Variants in XPO6 observed in about 807,000 individuals in gnomAD.
XPO6 encodes exportin-6.
XPO6 carries 3 observed loss-of-function variants against 130.0 expected under a neutral mutation model. That is an observed-to-expected ratio of 0.02 (90% CI 0.01 to 0.06). The LOEUF is 0.06. Among genes scored for constraint, XPO6 ranks in the 10% least tolerant of loss-of-function variants. The pLI, the probability that XPO6 is intolerant of heterozygous loss-of-function variation, is 1.00. For missense variants in XPO6, 970 were observed against 1,393.0 expected, an observed-to-expected ratio of 0.70 and a Z score of 4.83; for synonymous variants, 524 against 548.9, an observed-to-expected ratio of 0.95 and a Z score of 0.63.
intron 12 of XPO6, among the ~76,000 whole-genome samples, chr16:28,129,877 G>A (rs971215249): frequency 4.6e-5 from 7 of 152,234 alleles, no homozygotes; most frequent in Admixed American, 2.0e-4. Context: ...ATGCCAATGA[G>A]GGGTGGCAGA....
At chr16:28,150,545 A>G (rs894150700) in intron 8 of XPO6, among the ~76,000 whole-genome samples, 3 of 152,106 alleles carry the variant, frequency 2.0e-5, no homozygotes, top group Admixed American at 2.0e-4. Context: ...AAATAAGCAG[A>G]CCTCAAACAC....
chr16:28,180,816 G>A (rs991531205), intron 2 of XPO6, 125 bp downstream of exon 2: 60 of 694,396 alleles, frequency 8.6e-5, no homozygotes, highest in African/African-American at 1.7e-4. Flanking sequence ...GAACCAGAGC[G>A]AAAAGAGCAA....
At chr16:28,191,913 G>C (rs1242256808) in intron 1 of XPO6, among the ~76,000 whole-genome samples, 1 of 152,188 alleles carries the variant, frequency 6.6e-6, no homozygotes, top group South Asian at 2.1e-4. Context: ...CAAGTCTCTT[G>C]TAAAACCACC....
At chr16:28,148,852 G>A (rs2043031003) in intron 8 of XPO6, among the ~76,000 whole-genome samples, 2 of 152,050 alleles carry the variant, frequency 1.3e-5, no homozygotes, top group East Asian at 3.9e-4. Flanking sequence ...GACCAGCCTG[G>A]TCAACACGGT....
At chr16:28,169,949 A>C in intron 4 of XPO6, 40 bp from the exon 5 acceptor site, 1 of 1,607,574 alleles carries the variant, frequency 6.2e-7, no homozygotes, top group East Asian at 2.2e-5. Context: ...GTGTTGGACT[A>C]ATAAAGTACA....
rs138125721 is a variant in XPO6, at chr16:28,195,710, G to A, written c.4-14679C>T. Among the ~76,000 whole-genome samples, 4 of 152,228 alleles carry A rather than the reference G, an allele frequency of 2.6e-5. No homozygotes were observed. The East Asian group carries it at 5.8e-4, about 22-fold the overall frequency. ...GGAGGTTGCAGTGAGCAGAGATCAC[G>A]CCACTGCACTCCATCCTGGGTGACA... On this transcript the variant is annotated intron_variant, in intron 1 of 23. Transcript: ENST00000304658.
Position 28,098,456 on chromosome 16 carries a change from C to T in XPO6, c.*82G>A, listed in dbSNP as rs2086580659. On this transcript the variant is annotated 3_prime_UTR_variant, in exon 24 of 24. Coordinates refer to ENST00000304658, the MANE Select transcript of XPO6 (RefSeq NM_015171.4). ...GAAGCCAAGGAGTGTGACCAAGGCC[C>T]ATCTGGGAGACATCTGTGGTGGAAG... The T allele has an allele frequency of 1.6e-6, 2 of 1,263,620 alleles. No homozygotes were observed. The highest frequency in any genetic ancestry group is 1.1e-6 in the Non-Finnish European group (1 of 892,250). The allele number at this position is 1,263,620 out of a possible 1,614,324, so 78.3% of individuals were successfully genotyped here. A position where few individuals can be genotyped will look rare whatever the true frequency, so the allele number is the denominator to read the frequency against.
Position 28,152,713 on chromosome 16 carries a change from G to C in XPO6, c.1170C>G (p.Ser390=). 6.2e-7 allele frequency: 1 copy of C among 1,613,338 alleles called. No individual in the cohort carries two copies. Among genetic ancestry groups the C allele is most frequent in the South Asian group, 1.1e-5 (1 of 90,904 alleles). The part of the protein sequence containing the change: ...SVHLRRIESY[S]QFPVVEFLTL... Reference sequence around the variant, plus strand: ...TCAAAAACTCCACCACAGGGAACTGGGAGTAAGACTCGATTCTTCTTAGGT... The same window carrying C: ...TCAAAAACTCCACCACAGGGAACTGCGAGTAAGACTCGATTCTTCTTAGGT... The change falls in exon 8 of 24, where the codon TCC becomes TCG. Residue 390 remains serine, a synonymous_variant. Coordinates refer to ENST00000304658, the MANE Select transcript of XPO6 (RefSeq NM_015171.4).
chr16:28,204,546 G>C (rs1046650568), intron 1 of XPO6, among the ~76,000 whole-genome samples: 3 of 152,086 alleles, frequency 2.0e-5, no homozygotes, highest in African/African-American at 4.8e-5. Context: ...AGGTGAGCTA[G>C]AGGGGAGATG....
chr16:28,165,119 A>C (rs910523822), intron 6 of XPO6, among the ~76,000 whole-genome samples: 1 of 152,206 alleles, frequency 6.6e-6, no homozygotes, highest in Admixed American at 6.5e-5. Flanking sequence ...TGGGAGGCTG[A>C]AATGGGAGGA....
rs1319457497 is a variant in XPO6, at chr16:28,114,418, A to AGCAAATTAT, written c.2005-1377_2005-1369dup. Among the ~76,000 whole-genome samples, 13 of 152,208 alleles carry AGCAAATTAT rather than the reference A, an allele frequency of 8.5e-5. 1 individual carries two copies. The highest frequency in any genetic ancestry group is 7.9e-4 in the Admixed American group (12 of 15,276). ...GTTCAGCTCCAGACCACCACAATAAAGCAAATTATGCAATAACGCAAGGCA... is the reference window on the plus strand; with the variant it reads ...GTTCAGCTCCAGACCACCACAATAAAGCAAATTATGCAAATTATGCAATAACGCAAGGCA... On this transcript the variant is annotated intron_variant, in intron 15 of 23. Coordinates refer to ENST00000304658, the MANE Select transcript of XPO6 (RefSeq NM_015171.4).
chr16:28,186,241 G>A (rs900615127), intron 1 of XPO6, among the ~76,000 whole-genome samples: 2 of 151,840 alleles, frequency 1.3e-5, no homozygotes. Flanking sequence ...TATTTCTACG[G>A]AGCCCTAATC....
chr16:28,144,439 T>C (rs2042947648), intron 9 of XPO6, among the ~76,000 whole-genome samples: 1 of 152,194 alleles, frequency 6.6e-6, no homozygotes, highest in South Asian at 2.1e-4. Flanking sequence ...TCTCACTATG[T>C]TCCCAGCCTG....
intron 17 of XPO6, among the ~76,000 whole-genome samples, chr16:28,109,240 G>A (rs1017909832): frequency 6.6e-6 from 1 of 151,682 alleles, no homozygotes; most frequent in Non-Finnish European, 1.5e-5. Flanking sequence ...GAATGGGGTG[G>A]GTAACTGTTA....
At chr16:28,111,713 A>G (rs578208849) in intron 17 of XPO6, 104 bp downstream of exon 17, 2 of 1,316,628 alleles carry the variant, frequency 1.5e-6, no homozygotes, top group East Asian at 2.5e-5. Context: ...GACTATGAAC[A>G]AAAAAAATTT....
chr16:28,204,105 AC>A (rs2043989924), intron 1 of XPO6, among the ~76,000 whole-genome samples: 1 of 152,046 alleles, frequency 6.6e-6, no homozygotes, highest in South Asian at 2.1e-4. Flanking sequence ...GACCTCAACA[AC>A]ATCCCTACCA....
chr16:28,195,797 T>C (rs2043850817), intron 1 of XPO6, among the ~76,000 whole-genome samples: 1 of 152,092 alleles, frequency 6.6e-6, no homozygotes, highest in Non-Finnish European at 1.5e-5. Flanking sequence ...GAGAAAGAGA[T>C]GCCTGGGGAT....
chr16:28,137,665 T>C (rs2042806582), intron 9 of XPO6, among the ~76,000 whole-genome samples: 1 of 152,138 alleles, frequency 6.6e-6, no homozygotes, highest in African/African-American at 2.4e-5. Flanking sequence ...AACTTAAAAA[T>C]TTAACCTATG....
intron 1 of XPO6, among the ~76,000 whole-genome samples, chr16:28,210,707 A>G (rs2044115211): frequency 6.6e-6 from 1 of 152,232 alleles, no homozygotes; most frequent in African/African-American, 2.4e-5. Context: ...CGTGGAAGGT[A>G]GCTTCAGCAG....
Sources: gnomAD v4.1 joint callset for allele counts (sites outside exome capture counted in the v4.1 genomes callset) on GRCh38, gnomAD v4.1.1 for gene constraint, MANE v1.5 for transcripts, NCBI Gene and HGNC (gene_info 2026-07-23, HGNC 2026-07-21) for gene names.